The following SAMD5 variants were observed in gnomAD, a reference collection of about 807,000 sequenced individuals.
SAMD5 encodes sterile alpha motif domain containing 5, also known as sterile alpha motif domain-containing protein 5.
SAMD5 carries 13 observed loss-of-function variants against 11.3 expected under a neutral mutation model. That is an observed-to-expected ratio of 1.15 (90% CI 0.75 to 1.83). The LOEUF (loss-of-function observed/expected upper bound fraction) is 1.83. Ranked by LOEUF, SAMD5 falls within the 40% of genes most tolerant of loss-of-function variation. The pLI is 0.00. For synonymous variants in SAMD5, 129 were observed against 111.3 expected (o/e 1.16, Z -1.00); for missense variants, 255 against 239.1 (o/e 1.07, Z -0.44).
At chr6:147,932,099 G>A in the SAMD5 span, among the ~76,000 whole-genome samples, 2 of 152,112 alleles carry the variant, frequency 1.3e-5, no homozygotes, top group African/African-American at 4.8e-5. Context: ...AATGCTAAAA[G>A]CACTTTTCTG....
At chr6:147,790,779 TC>T in the SAMD5 span, among the ~76,000 whole-genome samples, 1 of 64,682 alleles carries the variant, frequency 1.5e-5, no homozygotes, top group Non-Finnish European at 3.8e-5. Context: ...TTTCTCTCTC[TC>T]TCTCTCTCTC....
chr6:147,642,719 A>G (rs1281838874), intron 1 of SAMD5, among the ~76,000 whole-genome samples: 2 of 152,194 alleles, frequency 1.3e-5, no homozygotes, highest in African/African-American at 4.8e-5. Context: ...TCTTTCTAAT[A>G]GCTATGCAAT....
the SAMD5 span, among the ~76,000 whole-genome samples, chr6:147,919,354 T>C: frequency 9.2e-5 from 14 of 152,156 alleles, no homozygotes; most frequent in African/African-American, 3.1e-4. Context: ...AAGTGAGTTA[T>C]AACTTGGGGG....
the SAMD5 span, among the ~76,000 whole-genome samples, chr6:147,905,303 T>C: frequency 6.6e-6 from 1 of 152,100 alleles, no homozygotes; most frequent in Non-Finnish European, 1.5e-5. Context: ...TGCCTCAGCC[T>C]CCGGAGCAGC....
intron 1 of SAMD5, among the ~76,000 whole-genome samples, chr6:147,677,390 G>A (rs1790878607): frequency 6.6e-6 from 1 of 152,140 alleles, no homozygotes; most frequent in Non-Finnish European, 1.5e-5. Context: ...AACTGGGAAA[G>A]CAATGACTTG....
At chr6:147,621,167 A>G (rs1789959548) in intron 1 of SAMD5, among the ~76,000 whole-genome samples, 1 of 152,218 alleles carries the variant, frequency 6.6e-6, no homozygotes. Flanking sequence ...AGCTTCCTGT[A>G]TGCTTTTACA....
chr6:147,718,809 G>A (rs1583152041), intron 1 of SAMD5, among the ~76,000 whole-genome samples: 1 of 151,994 alleles, frequency 6.6e-6, no homozygotes, highest in East Asian at 1.9e-4. Flanking sequence ...TCACGCCTCA[G>A]CCTCCCAAGT....
chr6:147,595,375 C>T (rs9986436), intron 1 of SAMD5, among the ~76,000 whole-genome samples: 7,410 of 152,106 alleles, frequency 0.049, 549 homozygotes, highest in African/African-American at 0.16. Context: ...ATAACTTTCC[C>T]AACAGTTAGC....
At chr6:147,623,908 C>T (rs886771129) in intron 1 of SAMD5, among the ~76,000 whole-genome samples, 1 of 152,012 alleles carries the variant, frequency 6.6e-6, no homozygotes, top group Non-Finnish European at 1.5e-5. Context: ...CTTGCTCTGT[C>T]GCCCAGGCTC....
chr6:147,894,078 A>G, the SAMD5 span, among the ~76,000 whole-genome samples: 1 of 147,450 alleles, frequency 6.8e-6, no homozygotes, highest in African/African-American at 2.5e-5. Context: ...GCTCTTTTCC[A>G]TGTGTCTAAT....
rs150114340 is a variant in SAMD5, at chr6:147,621,010, G to A, written c.162+111623G>A. Among the ~76,000 whole-genome samples the A allele has an allele frequency of 3.2e-4, 49 of 151,788 alleles. 1 individual carries two copies. The highest frequency in any genetic ancestry group is 2.1e-4 in the South Asian group (1 of 4,812). ...TGTGTGCGCGCGCGCACATGCGCGC[G>A]CATGTAGGGAAAAATTTGGAATATA... On this transcript the variant is annotated intron_variant, in intron 1 of 1. Transcript: ENST00000566741.
At chr6:147,729,401 C>T (rs1172037945) in intron 1 of SAMD5, among the ~76,000 whole-genome samples, 1 of 152,128 alleles carries the variant, frequency 6.6e-6, no homozygotes, top group Admixed American at 6.5e-5. Context: ...AAAAAGTGCC[C>T]CAATGGAGGA....
At chr6:147,653,596 T>C (rs1790523333) in intron 1 of SAMD5, among the ~76,000 whole-genome samples, 1 of 152,232 alleles carries the variant, frequency 6.6e-6, no homozygotes, top group Non-Finnish European at 1.5e-5. Context: ...TTCTATGGAA[T>C]TATTCAAATG....
chr6:147,623,229 C>T (rs149090945), intron 1 of SAMD5, among the ~76,000 whole-genome samples: 1 of 152,348 alleles, frequency 6.6e-6, no homozygotes, highest in African/African-American at 2.4e-5. Context: ...GAGGGGTCCT[C>T]ATGAGCCTCC....
intron 1 of SAMD5, among the ~76,000 whole-genome samples, chr6:147,547,891 T>C (rs1788710812): frequency 6.6e-6 from 1 of 152,106 alleles, no homozygotes; most frequent in Non-Finnish European, 1.5e-5. Flanking sequence ...AAGTAAGAAA[T>C]CTTTCTTCAA....
intron 1 of SAMD5, among the ~76,000 whole-genome samples, chr6:147,679,818 T>C (rs1464965821): frequency 1.3e-5 from 2 of 149,708 alleles, no homozygotes; most frequent in Non-Finnish European, 3.0e-5. Flanking sequence ...TTTTTTTTTT[T>C]TCATGTGGGT....
At chr6:147,597,876 T>C (rs1789555132) in intron 1 of SAMD5, among the ~76,000 whole-genome samples, 1 of 152,150 alleles carries the variant, frequency 6.6e-6, no homozygotes, top group Non-Finnish European at 1.5e-5. Context: ...TGACCCATCC[T>C]GTCATCTGGT....
At chr6:147,632,098 TG>T (rs1486503421) in intron 1 of SAMD5, among the ~76,000 whole-genome samples, 3 of 151,980 alleles carry the variant, frequency 2.0e-5, no homozygotes, top group South Asian at 2.1e-4. Context: ...GAGAAAAACT[TG>T]CCATGAGGGA....
At chr6:147,605,838 T>C (rs553769160) in intron 1 of SAMD5, among the ~76,000 whole-genome samples, 94 of 152,166 alleles carry the variant, frequency 6.2e-4, no homozygotes, top group African/African-American at 2.2e-3. Context: ...GGAGAAAAAT[T>C]CCTCCTTTAA....
Sources: gnomAD v4.1 joint callset for allele counts (sites outside exome capture counted in the v4.1 genomes callset) on GRCh38, gnomAD v4.1.1 for gene constraint, MANE v1.5 for transcripts, NCBI Gene and HGNC (gene_info 2026-07-23, HGNC 2026-07-21) for gene names.